The following WWOX variants were observed in gnomAD, a reference collection of about 807,000 sequenced individuals.
The protein encoded by WWOX is WW domain containing oxidoreductase, also known as WW domain-containing oxidoreductase.
In WWOX, 69 loss-of-function variants were observed where a neutral mutation model predicts 46.2. The observed-to-expected ratio is 1.49, with a 90% CI of 1.23 to 1.82. The LOEUF (loss-of-function observed/expected upper bound fraction) is 1.82. Among genes scored for constraint, WWOX ranks in the 40% most tolerant of loss-of-function variants. The pLI is 0.00. For synonymous variants in WWOX, 359 were observed against 202.6 expected (o/e 1.77, Z -6.56); for missense variants, 919 against 542.6 (o/e 1.69, Z -6.89).
chr16:78,579,065 T>G (rs578161637), intron 8 of WWOX, among the ~76,000 whole-genome samples: 10 of 152,300 alleles, frequency 6.6e-5, no homozygotes, highest in South Asian at 6.2e-4. Context: ...TTGTTTGTTT[T>G]TTCTTGTCAG....
intron 6 of WWOX, among the ~76,000 whole-genome samples, chr16:78,417,117 G>T (rs534862824): frequency 3.3e-4 from 50 of 151,900 alleles, no homozygotes; most frequent in African/African-American, 1.2e-3. Flanking sequence ...CAGTTGCCCA[G>T]GCTGGAGATC....
intron 5 of WWOX, among the ~76,000 whole-genome samples, chr16:78,248,166 T>C (rs1279097611): frequency 6.6e-6 from 1 of 152,174 alleles, no homozygotes; most frequent in Non-Finnish European, 1.5e-5. Context: ...TTCCACAGGC[T>C]GTACAGGAAG....
chr16:78,758,280 C>T (rs933524593), intron 8 of WWOX, among the ~76,000 whole-genome samples: 2 of 152,102 alleles, frequency 1.3e-5, no homozygotes, highest in Non-Finnish European at 2.9e-5. Flanking sequence ...ACTCTAAGCC[C>T]AATGCTTGTG....
chr16:78,864,947 G>C (rs1342914013), intron 8 of WWOX, among the ~76,000 whole-genome samples: 2 of 151,608 alleles, frequency 1.3e-5, no homozygotes, highest in Non-Finnish European at 2.9e-5. Context: ...ATTTTTAGTA[G>C]AGTTGGGGTT....
At chr16:78,460,493 A>T (rs1567586356) in intron 8 of WWOX, among the ~76,000 whole-genome samples, 1 of 152,108 alleles carries the variant, frequency 6.6e-6, no homozygotes, top group Non-Finnish European at 1.5e-5. Context: ...CTGAATACTC[A>T]AGCTTCCAGT....
At chr16:78,977,387 G>T (rs944013841) in intron 8 of WWOX, among the ~76,000 whole-genome samples, 2 of 152,146 alleles carry the variant, frequency 1.3e-5, no homozygotes, top group East Asian at 3.9e-4. Flanking sequence ...TATGACCATA[G>T]AAGTTTGTGG....
intron 8 of WWOX, among the ~76,000 whole-genome samples, chr16:79,131,079 C>T (rs1006237639): frequency 6.6e-6 from 1 of 152,178 alleles, no homozygotes; most frequent in East Asian, 1.9e-4. Flanking sequence ...TTTGATTTCA[C>T]TCCTGAAAAG....
intron 8 of WWOX, among the ~76,000 whole-genome samples, chr16:79,070,058 C>T (rs557795558): frequency 6.6e-6 from 1 of 152,126 alleles, no homozygotes; most frequent in African/African-American, 2.4e-5. Flanking sequence ...GCAGAATATT[C>T]CTAATATAGT....
chr16:79,135,155 A>T (rs1383493433), intron 8 of WWOX, among the ~76,000 whole-genome samples: 1 of 152,222 alleles, frequency 6.6e-6, no homozygotes, highest in Non-Finnish European at 1.5e-5. Flanking sequence ...ATACCTCCAA[A>T]ATAACCACTG....
intron 4 of WWOX, among the ~76,000 whole-genome samples, chr16:78,116,268 C>G (rs1259521639): frequency 1.3e-5 from 2 of 151,916 alleles, no homozygotes; most frequent in Non-Finnish European, 2.9e-5. Context: ...TTTTTTGTAC[C>G]CATTAACCAT....
At chr16:78,894,637 C>T (rs772805178) in intron 8 of WWOX, among the ~76,000 whole-genome samples, 1 of 152,052 alleles carries the variant, frequency 6.6e-6, no homozygotes, top group Non-Finnish European at 1.5e-5. Context: ...CAAGGTGGTA[C>T]TTATACCTAC....
intron 8 of WWOX, among the ~76,000 whole-genome samples, chr16:79,186,649 G>A (rs949098833): frequency 3.9e-5 from 6 of 151,932 alleles, no homozygotes; most frequent in East Asian, 1.9e-4. Context: ...TATATTCTTC[G>A]GGACATGATT....
chr16:78,430,306 A>G (rs8048772), intron 7 of WWOX, among the ~76,000 whole-genome samples: 11,061 of 152,200 alleles, frequency 0.073, 461 homozygotes, highest in South Asian at 0.095. Flanking sequence ...GGTTATTACA[A>G]TTCAGTGTGA....
intron 8 of WWOX, among the ~76,000 whole-genome samples, chr16:78,720,597 C>G (rs1487986952): frequency 6.6e-6 from 1 of 151,844 alleles, no homozygotes; most frequent in Non-Finnish European, 1.5e-5. Flanking sequence ...TTCAGACCAC[C>G]ATATTTGTCC....
chr16:78,460,082 C>T (rs2083913933), intron 8 of WWOX, among the ~76,000 whole-genome samples: 1 of 151,784 alleles, frequency 6.6e-6, no homozygotes, highest in Admixed American at 6.6e-5. Context: ...GCTGGGATTA[C>T]AGGCATGAGC....
intron 8 of WWOX, among the ~76,000 whole-genome samples, chr16:78,557,123 A>G (rs948498120): frequency 1.3e-5 from 2 of 152,176 alleles, no homozygotes; most frequent in Non-Finnish European, 2.9e-5. Flanking sequence ...AGAAGTCCAC[A>G]TTGCTCCATT....
intron 8 of WWOX, among the ~76,000 whole-genome samples, chr16:78,674,774 A>G (rs1038710125): frequency 6.6e-6 from 1 of 152,136 alleles, no homozygotes; most frequent in African/African-American, 2.4e-5. Flanking sequence ...ATGGAAGGAC[A>G]TGTACTCTTC....
intron 8 of WWOX, among the ~76,000 whole-genome samples, chr16:78,835,984 A>C (rs929930308): frequency 2.6e-5 from 4 of 152,216 alleles, no homozygotes; most frequent in African/African-American, 4.8e-5. Flanking sequence ...CACTTCTTCA[A>C]AGCCTCGTTA....
At position 78,201,782 on chromosome 16, in the gene WWOX, C is replaced by G. The variant is rs2036237591; in HGVS notation, c.516+37493C>G. Among the ~76,000 whole-genome samples the G allele has an allele frequency of 3.9e-5, 6 of 152,012 alleles. No homozygotes were observed. In the South Asian group the frequency reaches 1.2e-3, roughly 32 times the overall value. On this transcript the variant is annotated intron_variant, in intron 5 of 8. Transcript: ENST00000566780. ...TGGTGTGACCTTGACTCACTGCAACCTCTGCCTCCCAGGTTCAAGTGATTC... is the reference window on the plus strand; with the variant it reads ...TGGTGTGACCTTGACTCACTGCAACGTCTGCCTCCCAGGTTCAAGTGATTC...
Sources: allele counts gnomAD v4.1 joint callset (sites outside exome capture counted in the v4.1 genomes callset), GRCh38; gene constraint gnomAD v4.1.1; transcripts MANE v1.5; gene names NCBI Gene and HGNC (gene_info 2026-07-23, HGNC 2026-07-21).